Variants in POU2F3 observed in about 807,000 individuals in gnomAD.
POU2F3 encodes POU domain, class 2, transcription factor 3.
POU2F3 carries 23 observed loss-of-function variants against 59.2 expected under a neutral mutation model. The observed-to-expected ratio is 0.39, with a 90% CI of 0.28 to 0.55. The LOEUF is 0.55. Among genes scored for constraint, POU2F3 ranks in the 20% least tolerant of loss-of-function variants. The probability of loss-of-function intolerance (pLI) is 0.66; values close to 1 mark genes in which losing one functional copy is unlikely to be tolerated. For synonymous variants in POU2F3, 190 were observed against 214.6 expected (o/e 0.89, Z 1.00); for missense variants, 473 against 544.5 (o/e 0.87, Z 1.31).
chr11:120,307,788 C>T (rs1399832057), intron 9 of POU2F3, among the ~76,000 whole-genome samples, 173 bp downstream of exon 9: 1 of 152,100 alleles, frequency 6.6e-6, no homozygotes, highest in African/African-American at 2.4e-5. Flanking sequence ...GCAAAGCTGC[C>T]CTCCATCTCA....
upstream of POU2F3, chr11:120,236,711 A>G: frequency 6.7e-7 from 1 of 1,487,038 alleles, no homozygotes; most frequent in Non-Finnish European, 9.1e-7. Context: ...GGAAGGGGTA[A>G]AGGAGTTCTC....
chr11:120,318,498 A>T lies in POU2F3; in HGVS notation c.*106A>T. 8.7e-7 allele frequency: 1 copy of T among 1,151,650 alleles called. No individual in the cohort carries two copies. Among genetic ancestry groups the T allele is most frequent in the East Asian group, 2.3e-5 (1 of 42,642 alleles). The allele number at this position is 1,151,650 out of a possible 1,614,324, so 71.3% of individuals were successfully genotyped here. ...ATTGCCTTCAGAAGAGTGGAAGAAA[A>T]TCTCCACTATCAATGAACCCAGACT... On this transcript the variant is annotated 3_prime_UTR_variant, in exon 13 of 13. Transcript: ENST00000543440.
intron 3 of POU2F3, among the ~76,000 whole-genome samples, chr11:120,293,360 C>T (rs1345596837): frequency 6.6e-6 from 1 of 152,220 alleles, no homozygotes; most frequent in Non-Finnish European, 1.5e-5. Flanking sequence ...TCTTGGGGTA[C>T]TTTCAGCCCT....
chr11:120,236,838 C>T (rs1591364359), upstream of POU2F3: 7 of 875,382 alleles, frequency 8.0e-6, no homozygotes, highest in East Asian at 2.6e-5. Context: ...ACTTAGAGGG[C>T]ACCCCAGCCT....
At chr11:120,305,280 A>G in intron 7 of POU2F3, 68 bp downstream of exon 7, 2 of 1,542,078 alleles carry the variant, frequency 1.3e-6, no homozygotes, top group South Asian at 1.2e-5. Flanking sequence ...TCCCAAGTGC[A>G]GGTTTCAAGA....
chr11:120,244,019 G>A (rs545784784), intron 1 of POU2F3, among the ~76,000 whole-genome samples: 84 of 152,274 alleles, frequency 5.5e-4, no homozygotes, highest in African/African-American at 1.9e-3. Flanking sequence ...AATGGGTGTT[G>A]GAGGAGAATT....
chr11:120,300,934 G>A (rs1048119160), intron 5 of POU2F3: 159 of 438,140 alleles, frequency 3.6e-4, no homozygotes, highest in Middle Eastern at 1.0e-3. Flanking sequence ...AGAATATTAT[G>A]GTGATGAATG....
At position 120,251,652 on chromosome 11, in the gene POU2F3, A is replaced by G. The variant is rs185189417; in HGVS notation, c.97+5135A>G. Among the ~76,000 whole-genome samples the G allele has an allele frequency of 5.7e-4, 87 of 152,272 alleles. 1 individual carries two copies. The highest frequency in any genetic ancestry group is 4.8e-3 in the Admixed American group (73 of 15,302). On this transcript the variant is annotated intron_variant, in intron 2 of 12. Transcript: ENST00000543440. ...TCCTGCTATGAATTCCTGAGAGGAC[A>G]TCTTGTCCATGCCTCTCTCTTCTTT...
At chr11:120,243,063 G>A (rs1329488207) in intron 1 of POU2F3, among the ~76,000 whole-genome samples, 1 of 152,176 alleles carries the variant, frequency 6.6e-6, no homozygotes, top group African/African-American at 2.4e-5. Context: ...ACAGACGGGT[G>A]CCAATTGGAG....
At chr11:120,281,987 A>G (rs1311679206) in intron 3 of POU2F3, among the ~76,000 whole-genome samples, 8 of 152,234 alleles carry the variant, frequency 5.3e-5, no homozygotes, top group African/African-American at 1.4e-4. Context: ...CATTGCAACA[A>G]TTTAGCAGCA....
intron 3 of POU2F3, among the ~76,000 whole-genome samples, chr11:120,290,993 A>G (rs1941001180): frequency 6.6e-6 from 1 of 152,198 alleles, no homozygotes; most frequent in South Asian, 2.1e-4. Flanking sequence ...GGGAGGTAAG[A>G]GCAAATATCC....
upstream of POU2F3, chr11:120,236,681 C>T (rs527418232): frequency 2.1e-4 from 323 of 1,505,070 alleles, no homozygotes; most frequent in African/African-American, 8.5e-4. Flanking sequence ...TTCATGGAGT[C>T]TCCAAGAACT....
At chr11:120,299,599 T>C (rs762073152) in intron 4 of POU2F3, 25 bp from the exon 5 acceptor site, 35 of 1,600,696 alleles carry the variant, frequency 2.2e-5, no homozygotes, top group Non-Finnish European at 2.6e-6. Context: ...AATTCTGTGG[T>C]GTATGTGTAT....
chr11:120,258,561 C>T (rs1425587896), intron 2 of POU2F3, among the ~76,000 whole-genome samples: 2 of 152,122 alleles, frequency 1.3e-5, no homozygotes, highest in Non-Finnish European at 2.9e-5. Context: ...AGAAAAATAG[C>T]GTCTGGGTGG....
intron 2 of POU2F3, chr11:120,259,491 C>T (rs1400210677): frequency 6.6e-6 from 1 of 152,228 alleles, no homozygotes; most frequent in Non-Finnish European, 1.5e-5. Flanking sequence ...GCTATCCACA[C>T]CCTGGCTTGA....
chr11:120,240,918 T>G (rs1366357386), intron 1 of POU2F3, among the ~76,000 whole-genome samples: 1 of 152,098 alleles, frequency 6.6e-6, no homozygotes, highest in African/African-American at 2.4e-5. Context: ...GAAGGGATGG[T>G]GACAGACACA....
chr11:120,282,673 A>G (rs917380639), intron 3 of POU2F3, among the ~76,000 whole-genome samples: 1 of 152,242 alleles, frequency 6.6e-6, no homozygotes, highest in African/African-American at 2.4e-5. Flanking sequence ...AAACAAAAAA[A>G]AGAGAAATAT....
intron 3 of POU2F3, among the ~76,000 whole-genome samples, chr11:120,272,947 G>T (rs1940141783): frequency 6.6e-6 from 1 of 152,174 alleles, no homozygotes; most frequent in Non-Finnish European, 1.5e-5. Flanking sequence ...AAGCTTGGCT[G>T]AGATGCTGTC....
At chr11:120,287,726 G>A (rs1411027251) in intron 3 of POU2F3, among the ~76,000 whole-genome samples, 1 of 152,158 alleles carries the variant, frequency 6.6e-6, no homozygotes, top group African/African-American at 2.4e-5. Flanking sequence ...AGGTGTAACA[G>A]GATAGGCACT....
Sources: allele counts gnomAD v4.1 joint callset (sites outside exome capture counted in the v4.1 genomes callset), GRCh38; gene constraint gnomAD v4.1.1; transcripts MANE v1.5; gene names NCBI Gene and HGNC (gene_info 2026-07-23, HGNC 2026-07-21).